Variants in DPYD observed in about 807,000 individuals in gnomAD.
DPYD encodes dihydropyrimidine dehydrogenase, also known as dihydropyrimidine dehydrogenase [NADP(+)].
A neutral mutation model predicts 116.2 loss-of-function variants in DPYD; 109 were observed. The ratio of observed to expected loss-of-function variants is 0.94; its 90% confidence interval spans 0.80 to 1.10. DPYD has a LOEUF of 1.10. DPYD is among the 50% of genes least tolerant of loss of function. The pLI, the probability that DPYD is intolerant of heterozygous loss-of-function variation, is 0.00. For synonymous variants in DPYD, 440 were observed against 432.0 expected, an observed-to-expected ratio of 1.02 and a Z score of -0.23; for missense variants, 1,302 against 1,254.5, an observed-to-expected ratio of 1.04 and a Z score of -0.57.
intron 13 of DPYD, among the ~76,000 whole-genome samples, chr1:97,504,952 A>G (rs1235126238): frequency 6.6e-6 from 1 of 151,942 alleles, no homozygotes; most frequent in Non-Finnish European, 1.5e-5. Context: ...GTAAAATTCT[A>G]TAAGAGCTCA....
chr1:97,191,458 C>A (rs1570636441), intron 20 of DPYD, among the ~76,000 whole-genome samples: 3 of 151,874 alleles, frequency 2.0e-5, no homozygotes, highest in Non-Finnish European at 4.4e-5. Flanking sequence ...TTTTTTTAAA[C>A]GAATGATAAT....
intron 20 of DPYD, among the ~76,000 whole-genome samples, chr1:97,104,600 ACT>A (rs960426545): frequency 2.8e-4 from 42 of 152,046 alleles, no homozygotes; most frequent in African/African-American, 1.0e-3. Flanking sequence ...TCCGAGCTAA[ACT>A]CTGAAGGATA....
chr1:97,229,072 C>T (rs549545528), intron 19 of DPYD, among the ~76,000 whole-genome samples: 5 of 151,578 alleles, frequency 3.3e-5, no homozygotes, highest in South Asian at 2.1e-4. Context: ...GGCATGGTGG[C>T]GGGCACCTGT....
At chr1:97,113,700 T>G (rs898133553) in intron 20 of DPYD, among the ~76,000 whole-genome samples, 27 of 152,234 alleles carry the variant, frequency 1.8e-4, no homozygotes, top group African/African-American at 6.3e-4. Context: ...CCTTCATTTA[T>G]TACAAATTAA....
intron 2 of DPYD, among the ~76,000 whole-genome samples, chr1:97,863,889 T>C (rs1057417961): frequency 2.8e-4 from 42 of 152,016 alleles, no homozygotes; most frequent in Non-Finnish European, 2.9e-5. Context: ...AGCTAATTTA[T>C]ATAAAACCCT....
At chr1:97,375,457 T>C (rs1035821032) in intron 15 of DPYD, among the ~76,000 whole-genome samples, 2 of 152,206 alleles carry the variant, frequency 1.3e-5, no homozygotes, top group African/African-American at 4.8e-5. Context: ...TTTGTTAAAG[T>C]CCATTTGATC....
intron 7 of DPYD, among the ~76,000 whole-genome samples, chr1:97,690,655 C>T (rs1426235885): frequency 6.6e-6 from 1 of 151,854 alleles, no homozygotes; most frequent in Non-Finnish European, 1.5e-5. Context: ...AACTTGTATT[C>T]AAAATGAAAG....
chr1:97,289,938 C>T (rs979939925), intron 18 of DPYD, among the ~76,000 whole-genome samples: 1 of 151,906 alleles, frequency 6.6e-6, no homozygotes, highest in East Asian at 1.9e-4. Flanking sequence ...TCTAGAAAAC[C>T]CCATTGTCTC....
At chr1:97,503,783 G>A (rs1453790507) in intron 13 of DPYD, among the ~76,000 whole-genome samples, 1 of 151,494 alleles carries the variant, frequency 6.6e-6, no homozygotes, top group Non-Finnish European at 1.5e-5. Flanking sequence ...AAATGTTACT[G>A]ACAAAATCCA....
At chr1:97,502,628 C>T (rs1679646328) in intron 13 of DPYD, among the ~76,000 whole-genome samples, 1 of 151,954 alleles carries the variant, frequency 6.6e-6, no homozygotes, top group African/African-American at 2.4e-5. Flanking sequence ...AGAGTAGAAG[C>T]AGCAAGACTC....
chr1:97,818,093 G>C (rs1668726914), intron 3 of DPYD, among the ~76,000 whole-genome samples: 1 of 151,942 alleles, frequency 6.6e-6, no homozygotes, highest in African/African-American at 2.4e-5. Context: ...GCTTGGCTCA[G>C]AGCTTCTTAC....
At position 97,422,087 on chromosome 1, in the gene DPYD, A is replaced by G. The variant is rs930249824; in HGVS notation, c.1905+27972T>C. Reference sequence around the variant, plus strand: ...GGAATTGTTCTCACCAATAGTTGAAAGTGATATTAGGAATTAACTTTTTTA... The same window carrying G: ...GGAATTGTTCTCACCAATAGTTGAAGGTGATATTAGGAATTAACTTTTTTA... On this transcript the variant is annotated intron_variant, in intron 14 of 22. Coordinates refer to ENST00000370192, the MANE Select transcript of DPYD (RefSeq NM_000110.4). Among the ~76,000 whole-genome samples, 8 of 152,194 alleles carry G rather than the reference A, an allele frequency of 5.3e-5. No homozygotes were observed. The East Asian group carries it at 1.5e-3, about 29-fold the overall frequency.
intron 8 of DPYD, among the ~76,000 whole-genome samples, chr1:97,621,747 T>C (rs534008478): frequency 4.6e-5 from 7 of 151,924 alleles, no homozygotes; most frequent in African/African-American, 1.7e-4. Flanking sequence ...TTCTAGGACT[T>C]AGGAAGGAAA....
intron 16 of DPYD, among the ~76,000 whole-genome samples, chr1:97,342,020 T>A (rs1358837240): frequency 6.6e-6 from 1 of 152,202 alleles, no homozygotes; most frequent in South Asian, 2.1e-4. Flanking sequence ...AATCTCATAC[T>A]CTAGTGAGAA....
intron 1 of DPYD, among the ~76,000 whole-genome samples, chr1:97,887,847 T>C (rs1285924053): frequency 6.6e-6 from 1 of 152,006 alleles, no homozygotes; most frequent in African/African-American, 2.4e-5. Context: ...CTCATGATAG[T>C]GAGTGAGTTC....
At chr1:97,299,765 A>C (rs1321801540) in intron 18 of DPYD, among the ~76,000 whole-genome samples, 1 of 152,132 alleles carries the variant, frequency 6.6e-6, no homozygotes, top group East Asian at 1.9e-4. Flanking sequence ...CCATGAAGCA[A>C]ACATGAACAG....
intron 20 of DPYD, among the ~76,000 whole-genome samples, chr1:97,140,395 C>T (rs995676626): frequency 1.3e-4 from 20 of 151,964 alleles, no homozygotes; most frequent in Admixed American, 2.6e-4. Flanking sequence ...GGTGAAATGC[C>T]GAAGCATAGG....
chr1:97,921,040 C>A, upstream of DPYD: 5 of 1,322,396 alleles, frequency 3.8e-6, no homozygotes, highest in Non-Finnish European at 4.2e-6. Flanking sequence ...AGACTAGGGC[C>A]GGCGGCGCGG....
intron 18 of DPYD, among the ~76,000 whole-genome samples, chr1:97,238,864 G>T (rs1013145675): frequency 2.6e-5 from 4 of 152,120 alleles, no homozygotes; most frequent in Non-Finnish European, 5.9e-5. Context: ...TCTACATGGG[G>T]TGGCCAGATG....
Sources: allele counts gnomAD v4.1 joint callset (sites outside exome capture counted in the v4.1 genomes callset), GRCh38; gene constraint gnomAD v4.1.1; transcripts MANE v1.5; gene names NCBI Gene and HGNC (gene_info 2026-07-23, HGNC 2026-07-21).